Variants in ERLIN1 observed in about 807,000 individuals in gnomAD.
The protein encoded by ERLIN1 is erlin-1.
In ERLIN1, 24 loss-of-function variants were observed where a neutral mutation model predicts 46.9. That is an observed-to-expected ratio of 0.51 (90% CI 0.37 to 0.72). The LOEUF (loss-of-function observed/expected upper bound fraction) is 0.72, where lower values mean the gene tolerates loss of function less well. Among genes scored for constraint, ERLIN1 ranks in the 30% least tolerant of loss-of-function variants. The pLI, the probability that ERLIN1 is intolerant of heterozygous loss-of-function variation, is 0.00. For missense variants in ERLIN1, 293 were observed against 417.9 expected, an observed-to-expected ratio of 0.70 and a Z score of 2.61; for synonymous variants, 158 against 143.2, an observed-to-expected ratio of 1.10 and a Z score of -0.74.
At chr10:100,181,223 C>T (rs2134178275) in intron 2 of ERLIN1, among the ~76,000 whole-genome samples, 1 of 152,260 alleles carries the variant, frequency 6.6e-6, no homozygotes, top group Non-Finnish European at 1.5e-5. Context: ...ATTTAACACC[C>T]TATCTTTATG....
intron 7 of ERLIN1, 101 bp from the exon 8 acceptor site, chr10:100,164,196 C>A (rs1813705081): frequency 1.4e-6 from 1 of 720,922 alleles, no homozygotes; most frequent in African/African-American, 1.8e-5. Flanking sequence ...GTTTTGTCAA[C>A]ATGAGCTTTT....
At position 100,151,416 on chromosome 10, in the gene ERLIN1, T is replaced by TGGGC. The variant is rs1842796397; in HGVS notation, c.*714_*715insGCCC. ...CAGAGCTTTGGCTCAGAGCAAAGGT[T>TGGGC]TCATCTCACCCCAACTTCAAACCAA... is the stretch of plus-strand genomic sequence containing the variant. On this transcript the variant is annotated 3_prime_UTR_variant, in exon 11 of 11. Coordinates refer to ENST00000421367, the MANE Select transcript of ERLIN1 (RefSeq NM_006459.4). The TGGGC allele has an allele frequency of 6.5e-6, 1 of 154,848 alleles. No individual in the cohort carries two copies. The highest frequency in any genetic ancestry group is 2.4e-5 in the African/African-American group (1 of 41,458). 9.6% of individuals were successfully genotyped at this position (154,848 alleles called of 1,614,324 possible).
chr10:100,185,803 T>A lies in ERLIN1; in HGVS notation c.-177A>T. On this transcript the variant is annotated 5_prime_UTR_variant, in exon 1 of 11. Coordinates refer to ENST00000421367, the MANE Select transcript of ERLIN1 (RefSeq NM_006459.4). ...CTTCTGGCTGAGCCCGCTGACCCCTTGCCAACTCCTCCGCCCCCGGAGGCC... is the reference window on the plus strand; with the variant it reads ...CTTCTGGCTGAGCCCGCTGACCCCTAGCCAACTCCTCCGCCCCCGGAGGCC... 1 of 597,194 alleles carries A rather than the reference T, an allele frequency of 1.7e-6. No individual in the cohort carries two copies. The highest frequency in any genetic ancestry group is 2.0e-5 in the South Asian group (1 of 50,088). 37.0% of individuals were successfully genotyped at this position (597,194 alleles called of 1,614,324 possible). A position where few individuals can be genotyped will look rare whatever the true frequency, so the allele number is the denominator to read the frequency against.
chr10:100,170,726 C>T (rs561562175), intron 6 of ERLIN1, among the ~76,000 whole-genome samples: 1 of 152,230 alleles, frequency 6.6e-6, no homozygotes, highest in East Asian at 1.9e-4. Context: ...GTCAAAGATG[C>T]CTCCTACACT....
At chr10:100,175,428 T>A (rs1420505139) in intron 5 of ERLIN1, among the ~76,000 whole-genome samples, 1 of 152,206 alleles carries the variant, frequency 6.6e-6, no homozygotes, top group Non-Finnish European at 1.5e-5. Context: ...GCTTCCCTAG[T>A]AGACAACATT....
chr10:100,174,160 T>C, intron 6 of ERLIN1, 48 bp downstream of exon 6: 1 of 1,223,192 alleles, frequency 8.2e-7, no homozygotes, highest in Non-Finnish European at 1.2e-6. Context: ...AGGAACAAAC[T>C]CAAAGCTCTC....
At chr10:100,161,244 C>A (rs759475031) in intron 8 of ERLIN1, among the ~76,000 whole-genome samples, 1 of 151,814 alleles carries the variant, frequency 6.6e-6, no homozygotes, top group African/African-American at 2.4e-5. Flanking sequence ...GAAATCTAAG[C>A]GACTATTAGA....
chr10:100,162,745 A>G (rs1398442746), intron 8 of ERLIN1, among the ~76,000 whole-genome samples: 2 of 152,236 alleles, frequency 1.3e-5, no homozygotes, highest in South Asian at 2.1e-4. Context: ...TTTTGATTCA[A>G]CAGACATAAA....
In ERLIN1 at chr10:100,152,299, A is replaced by G. The variant is rs1222575215; in HGVS notation, c.879T>C (p.Ser293=). The change falls in exon 11 of 11, where the codon TCT becomes TCC. Residue 293 remains serine, a synonymous_variant. Transcript: ENST00000421367. ...LELKKYQAIA[S]NSKIYFGSNI... is the part of the protein sequence containing the mutation. ...TGCTGCCAAAATAGATCTTACTGTT[A>G]GAAGCAATGGCCTGGTACTTTTTGA... 2.5e-6 allele frequency: 4 copies of G among 1,613,664 alleles called. No individual in the cohort carries two copies. Among genetic ancestry groups the G allele is most frequent in the Non-Finnish European group, 3.4e-6 (4 of 1,179,644 alleles).
At chr10:100,178,044 T>C in intron 4 of ERLIN1, 89 bp downstream of exon 4, 1 of 866,496 alleles carries the variant, frequency 1.2e-6, no homozygotes, top group Non-Finnish European at 1.8e-6. Flanking sequence ...CATAAAACTT[T>C]CAAAGTACCC....
chr10:100,165,612 T>C (rs1394421986), intron 7 of ERLIN1, among the ~76,000 whole-genome samples: 2 of 152,136 alleles, frequency 1.3e-5, no homozygotes, highest in African/African-American at 4.8e-5. Flanking sequence ...GGTCTCGATC[T>C]CCTGACCTCG....
Position 100,185,778 on chromosome 10 carries a change from C to T in ERLIN1, c.-152G>A, listed in dbSNP as rs1222335517. On this transcript the variant is annotated 5_prime_UTR_variant, in exon 1 of 11. Transcript: ENST00000421367. Reference sequence around the variant, plus strand: ...AGTACCCCTGTCCCCTCATTCTTCCCTTCTGGCTGAGCCCGCTGACCCCTT... The same window carrying T: ...AGTACCCCTGTCCCCTCATTCTTCCTTTCTGGCTGAGCCCGCTGACCCCTT... The T allele has an allele frequency of 9.4e-6, 6 of 638,340 alleles. No homozygotes were observed. In the East Asian group the frequency reaches 1.4e-4, roughly 15 times the overall value. 39.5% of individuals were successfully genotyped at this position (638,340 alleles called of 1,614,324 possible). A position where few individuals can be genotyped will look rare whatever the true frequency, so the allele number is the denominator to read the frequency against.
intron 6 of ERLIN1, among the ~76,000 whole-genome samples, chr10:100,171,918 T>C (rs948424865): frequency 4.6e-5 from 7 of 152,096 alleles, no homozygotes; most frequent in Non-Finnish European, 1.0e-4. Flanking sequence ...AATCATGCAA[T>C]CAAATGTGTA....
rs185996414 is a variant in ERLIN1, at chr10:100,181,584, G to A, written c.195+2172C>T. ...GGCTGGAGTGCAAGGGTACGATCTC[G>A]GCTCACTGCAACCTCGGTCTCCCAG... On this transcript the variant is annotated intron_variant, in intron 2 of 10. Transcript: ENST00000421367. Among the ~76,000 whole-genome samples, 1,151 of 144,670 alleles carry A rather than the reference G, an allele frequency of 8.0e-3. 7 individuals are homozygous for A. The highest frequency in any genetic ancestry group is 0.011 in the Non-Finnish European group (753 of 67,386). The allele number at this position is 144,670 out of a possible 152,430, so 94.9% of individuals were successfully genotyped here.
At chr10:100,155,414 GT>G (rs1229527463) in intron 9 of ERLIN1, among the ~76,000 whole-genome samples, 2 of 151,554 alleles carry the variant, frequency 1.3e-5, no homozygotes. Context: ...ATCAAGTAGT[GT>G]GAGGCCCTCC....
chr10:100,154,364 T>G (rs1842964293), intron 10 of ERLIN1, among the ~76,000 whole-genome samples: 1 of 152,216 alleles, frequency 6.6e-6, no homozygotes, highest in Non-Finnish European at 1.5e-5. Context: ...AATACATGCA[T>G]GTGTGTGTGG....
intron 8 of ERLIN1, among the ~76,000 whole-genome samples, chr10:100,158,350 T>C (rs542939915): frequency 1.3e-5 from 2 of 152,234 alleles, no homozygotes; most frequent in African/African-American, 4.8e-5. Context: ...AAGGAACAAC[T>C]GGACTAACAA....
In ERLIN1 at chr10:100,185,915, C is replaced by G. The variant is rs1361133018; in HGVS notation, c.-289G>C. On this transcript the variant is annotated 5_prime_UTR_variant, in exon 1 of 11. Coordinates refer to ENST00000421367, the MANE Select transcript of ERLIN1 (RefSeq NM_006459.4). Reference sequence around the variant, plus strand: ...TGGAAGGCACTAACTGAGAAGAAGCCCAGCCGCAGGCTCGCGAGGAAAGCC... The same window carrying G: ...TGGAAGGCACTAACTGAGAAGAAGCGCAGCCGCAGGCTCGCGAGGAAAGCC... 3 of 458,342 alleles carry G rather than the reference C, an allele frequency of 6.5e-6. No homozygotes were observed. Among genetic ancestry groups the G allele is most frequent in the Admixed American group, 8.1e-5 (2 of 24,708 alleles). The allele number at this position is 458,342 out of a possible 1,614,324, so 28.4% of individuals were successfully genotyped here.
chr10:100,170,660 TG>T (rs1376852218), intron 6 of ERLIN1, among the ~76,000 whole-genome samples: 2 of 152,176 alleles, frequency 1.3e-5, no homozygotes, highest in Non-Finnish European at 2.9e-5. Flanking sequence ...ACATGGATTT[TG>T]GTGGTGGAAT....
Sources: gnomAD v4.1 joint callset for allele counts (sites outside exome capture counted in the v4.1 genomes callset) on GRCh38, gnomAD v4.1.1 for gene constraint, MANE v1.5 for transcripts, NCBI Gene and HGNC (gene_info 2026-07-23, HGNC 2026-07-21) for gene names.